The following ACTR3C variants were observed in gnomAD, a reference collection of about 807,000 sequenced individuals.
ACTR3C encodes actin-related protein 3C.
Under a neutral mutation model 26.3 loss-of-function variants are expected in ACTR3C, and 18 were observed. The ratio of observed to expected loss-of-function variants is 0.68; its 90% CI spans 0.47 to 1.01. The LOEUF (loss-of-function observed/expected upper bound fraction) is 1.01, where lower values mean the gene tolerates loss of function less well. Among genes scored for constraint, ACTR3C ranks in the 50% least tolerant of loss-of-function variants. The probability of loss-of-function intolerance (pLI) is 0.00; values close to 1 mark genes in which losing one functional copy is unlikely to be tolerated. For missense variants in ACTR3C, 184 were observed against 250.7 expected (o/e 0.73, Z 1.80); for synonymous variants, 55 against 94.5 (o/e 0.58, Z 2.42).
At chr7:150,203,503 C>A in the ACTR3C span, among the ~76,000 whole-genome samples, 5 of 152,300 alleles carry the variant, frequency 3.3e-5, no homozygotes, top group East Asian at 1.9e-4. Context: ...TCCTGATACA[C>A]CCCCTGAATG....
chr7:150,295,483 C>T (rs1278397133), intron 1 of ACTR3C, 136 bp from the exon 2 acceptor site: 88 of 1,033,834 alleles, frequency 8.5e-5, no homozygotes, highest in Non-Finnish European at 1.2e-4. Context: ...AGAGGATGCC[C>T]AAAGTGTATT....
At chr7:149,904,156 A>T in the ACTR3C span, among the ~76,000 whole-genome samples, 4 of 147,882 alleles carry the variant, frequency 2.7e-5, no homozygotes, top group Admixed American at 1.4e-4. Context: ...CGTGGCCTCA[A>T]GTGATCCACC....
At chr7:150,039,323 G>A in the ACTR3C span, among the ~76,000 whole-genome samples, 4 of 146,590 alleles carry the variant, frequency 2.7e-5, no homozygotes, top group Non-Finnish European at 4.5e-5. Flanking sequence ...GGGCGGAAGA[G>A]GGGATAGCTC....
chr7:149,960,539 G>C, the ACTR3C span, among the ~76,000 whole-genome samples: 6 of 152,116 alleles, frequency 3.9e-5, no homozygotes, highest in African/African-American at 1.4e-4. Flanking sequence ...GGAACATTTG[G>C]GAACACCAGG....
At chr7:150,303,649 C>T (rs1305714746) in intron 1 of ACTR3C, among the ~76,000 whole-genome samples, 1 of 152,212 alleles carries the variant, frequency 6.6e-6, no homozygotes, top group Non-Finnish European at 1.5e-5. Context: ...CTCCGTCTTC[C>T]TCAACCTCCC....
chr7:149,992,748 G>A, the ACTR3C span, among the ~76,000 whole-genome samples: 3 of 152,224 alleles, frequency 2.0e-5, no homozygotes, highest in Non-Finnish European at 4.4e-5. Flanking sequence ...TCTGTGGGAT[G>A]TATGTGTATA....
chr7:150,314,478 G>A (rs988798864), intron 1 of ACTR3C, among the ~76,000 whole-genome samples: 1 of 152,112 alleles, frequency 6.6e-6, no homozygotes, highest in Non-Finnish European at 1.5e-5. Context: ...AGAAAATAGG[G>A]TGGGGGCGAT....
At chr7:150,277,767 C>A (rs1419523131) in intron 6 of ACTR3C, among the ~76,000 whole-genome samples, 1 of 152,152 alleles carries the variant, frequency 6.6e-6, no homozygotes, top group Non-Finnish European at 1.5e-5. Context: ...CATGAGCCAC[C>A]TACAGCCACT....
chr7:150,147,526 A>G, the ACTR3C span, among the ~76,000 whole-genome samples: 93 of 152,336 alleles, frequency 6.1e-4, 1 homozygote, highest in African/African-American at 2.1e-3. Flanking sequence ...TAATAAATGC[A>G]TTTATATTCT....
the ACTR3C span, among the ~76,000 whole-genome samples, chr7:150,007,411 T>C: frequency 1.3e-5 from 2 of 152,214 alleles, no homozygotes; most frequent in Admixed American, 6.5e-5. Context: ...TTGGAACCTC[T>C]AAAGGTGGAC....
chr7:150,094,744 A>C, the ACTR3C span, among the ~76,000 whole-genome samples: 1 of 150,800 alleles, frequency 6.6e-6, no homozygotes, highest in African/African-American at 2.5e-5. Flanking sequence ...CACGGAGCTC[A>C]GCGCCTAGGA....
the ACTR3C span, among the ~76,000 whole-genome samples, chr7:149,943,570 T>C: frequency 6.6e-6 from 1 of 151,734 alleles, no homozygotes; most frequent in East Asian, 1.9e-4. Context: ...CTACTAAAAA[T>C]ACAAAAAATT....
At chr7:149,981,806 C>T in the ACTR3C span, among the ~76,000 whole-genome samples, 8 of 152,154 alleles carry the variant, frequency 5.3e-5, no homozygotes, top group Non-Finnish European at 1.0e-4. Context: ...ATGAAGTACC[C>T]TCACCTGGAG....
chr7:150,276,060 T>C (rs1834851768), intron 6 of ACTR3C, among the ~76,000 whole-genome samples: 3 of 152,178 alleles, frequency 2.0e-5, no homozygotes, highest in Non-Finnish European at 2.9e-5. Context: ...CCTCTGCAGA[T>C]GGAAAGGCCC....
the ACTR3C span, among the ~76,000 whole-genome samples, chr7:150,094,143 T>C: frequency 6.6e-6 from 1 of 150,688 alleles, no homozygotes; most frequent in African/African-American, 2.5e-5. Flanking sequence ...TCCTTTGCTT[T>C]GCTGGTGGAA....
At chr7:149,962,030 G>A in the ACTR3C span, among the ~76,000 whole-genome samples, 2 of 152,324 alleles carry the variant, frequency 1.3e-5, no homozygotes, top group African/African-American at 4.8e-5. Flanking sequence ...CTCACAGGAA[G>A]TGTGGGTTCA....
intron 6 of ACTR3C, among the ~76,000 whole-genome samples, chr7:150,266,499 A>G (rs1191193539): frequency 6.6e-6 from 1 of 152,066 alleles, no homozygotes; most frequent in Non-Finnish European, 1.5e-5. Flanking sequence ...TTTTTTAAAA[A>G]CTTCGTAATT....
chr7:150,039,988 C>T, the ACTR3C span, among the ~76,000 whole-genome samples: 1 of 141,054 alleles, frequency 7.1e-6, no homozygotes, highest in Non-Finnish European at 1.6e-5. Flanking sequence ...ATTGCCTCCC[C>T]CACTGCGATA....
At position 150,293,354 on chromosome 7, in the gene ACTR3C, T is replaced by C. The variant is rs772525794; in HGVS notation, c.111A>G (p.Ile37Met). Residue 37 changes from isoleucine (I) to methionine (M), a missense_variant, in exon 3 of 8, where the codon ATA (isoleucine) becomes ATG (methionine). Ile to Met is a conservative substitution (Grantham distance 10). Transcript: ENST00000683684. ...RQVGERTLTGIVIDSGDGVTH... is the reference protein window; with the variant it reads ...RQVGERTLTGMVIDSGDGVTH... Reference sequence around the variant, plus strand: ...TGACTCCATCTCCGCTGTCAATGACTATCCCCGTTAATGTACGTTCACCCA... The same window carrying C: ...TGACTCCATCTCCGCTGTCAATGACCATCCCCGTTAATGTACGTTCACCCA... 17 of 1,606,576 alleles carry C rather than the reference T, an allele frequency of 1.1e-5. No homozygotes were observed. Among genetic ancestry groups the C allele is most frequent in the Admixed American group, 1.7e-5 (1 of 59,300 alleles).
Sources: allele counts gnomAD v4.1 joint callset (sites outside exome capture counted in the v4.1 genomes callset), GRCh38; gene constraint gnomAD v4.1.1; transcripts MANE v1.5; gene names NCBI Gene and HGNC (gene_info 2026-07-23, HGNC 2026-07-21).